CDK7: variants seen among roughly 807,000 people sequenced by gnomAD.
CDK7 encodes cyclin-dependent kinase 7.
A neutral mutation model predicts 49.1 loss-of-function variants in CDK7; 25 were observed. The observed-to-expected ratio is 0.51, with a 90% CI of 0.37 to 0.71. The LOEUF (loss-of-function observed/expected upper bound fraction) is 0.71. Among genes scored for constraint, CDK7 ranks in the 30% least tolerant of loss-of-function variants. The probability of loss-of-function intolerance (pLI) is 0.00; values close to 1 mark genes in which losing one functional copy is unlikely to be tolerated. For missense variants in CDK7, 316 were observed against 411.7 expected, an observed-to-expected ratio of 0.77 and a Z score of 2.01; for synonymous variants, 107 against 140.0, an observed-to-expected ratio of 0.76 and a Z score of 1.67.
At chr5:69,276,786 C>T (rs1447551292) in intron 11 of CDK7, 96 bp downstream of exon 11, 1 of 1,016,622 alleles carries the variant, frequency 9.8e-7, no homozygotes, top group East Asian at 2.5e-5. Flanking sequence ...AGAAATGTAG[C>T]TTGCTAGCTA....
chr5:69,276,887 G>A (rs541464926), intron 11 of CDK7, among the ~76,000 whole-genome samples, 197 bp downstream of exon 11: 26 of 152,184 alleles, frequency 1.7e-4, no homozygotes, highest in Non-Finnish European at 3.5e-4. Flanking sequence ...GGCAGCTTTT[G>A]TGTATACCTC....
Position 69,234,932 on chromosome 5 carries a change from G to T in CDK7, c.-44G>T, listed in dbSNP as rs374983298. The T allele has an allele frequency of 1.9e-6, 3 of 1,555,970 alleles. No individual in the cohort carries two copies. In the African/African-American group the frequency reaches 4.1e-5, roughly 21 times the overall value. On this transcript the variant is annotated 5_prime_UTR_variant, in exon 1 of 12. Coordinates refer to ENST00000256443, the MANE Select transcript of CDK7 (RefSeq NM_001799.4). ...GGTAGCTTTAAATTCGTGTTGTCCT[G>T]GGAGCTCGCCCTTTTCGGCTGGAGT...
At chr5:69,260,716 AC>A (rs2150213901) in intron 7 of CDK7, among the ~76,000 whole-genome samples, 1 of 152,364 alleles carries the variant, frequency 6.6e-6, no homozygotes, top group Non-Finnish European at 1.5e-5. Context: ...ACAGAAAATC[AC>A]ATTAAATAGG....
intron 8 of CDK7, among the ~76,000 whole-genome samples, chr5:69,267,933 T>C (rs1475493743): frequency 1.3e-5 from 2 of 152,198 alleles, no homozygotes; most frequent in African/African-American, 4.8e-5. Context: ...CTAAAAATAG[T>C]TGTAATATTA....
chr5:69,268,372 T>C (rs1051005005), intron 8 of CDK7, among the ~76,000 whole-genome samples: 1 of 152,204 alleles, frequency 6.6e-6, no homozygotes, highest in African/African-American at 2.4e-5. Context: ...ACAAGGCCTG[T>C]TATATGGGAA....
intron 8 of CDK7, among the ~76,000 whole-genome samples, chr5:69,264,093 T>A (rs1482088947): frequency 6.6e-6 from 1 of 152,126 alleles, no homozygotes; most frequent in Admixed American, 6.6e-5. Context: ...CAGATAGTAA[T>A]GAATACTTCC....
intron 4 of CDK7, 39 bp downstream of exon 4, chr5:69,254,708 T>A: frequency 9.4e-7 from 1 of 1,066,806 alleles, no homozygotes; most frequent in Non-Finnish European, 1.5e-6. Context: ...TTTGGGACTC[T>A]GCCTTTTCTT....
intron 2 of CDK7, among the ~76,000 whole-genome samples, chr5:69,240,132 G>A (rs1352914572): frequency 6.6e-6 from 1 of 151,946 alleles, no homozygotes; most frequent in African/African-American, 2.4e-5. Context: ...TTGGAACTTG[G>A]GTCCAATTTC....
At chr5:69,245,880 G>C (rs905893837) in intron 2 of CDK7, among the ~76,000 whole-genome samples, 3 of 152,158 alleles carry the variant, frequency 2.0e-5, no homozygotes, top group Non-Finnish European at 2.9e-5. Flanking sequence ...GGATTTCTGC[G>C]GTATTGGTTG....
At position 69,254,445 on chromosome 5, in the gene CDK7, C is replaced by T. The variant is rs1318317692; in HGVS notation, c.161-157C>T. On this transcript the variant is annotated intron_variant, in intron 3 of 11. Transcript: ENST00000256443. The stretch of plus-strand genomic sequence containing the variant: ...GCTGAGGCAGGAGAATTGCTTGAAC[C>T]CGGGAAGCAGAGGTTGCAGTGAGCC... Among the ~76,000 whole-genome samples the T allele has an allele frequency of 2.6e-5, 4 of 150,996 alleles. No homozygotes were observed. In the Admixed American group the frequency reaches 2.7e-4, roughly 10 times the overall value.
At chr5:69,252,519 TTTTTTA>T in intron 3 of CDK7, 68 bp downstream of exon 3, 2 of 822,140 alleles carry the variant, frequency 2.4e-6, no homozygotes, top group Non-Finnish European at 3.7e-6. Context: ...TTTTTTTTTT[TTTTTTA>T]AAAAGACAGG....
chr5:69,258,442 C>T (rs144247668), intron 6 of CDK7, among the ~76,000 whole-genome samples: 4,620 of 146,342 alleles, frequency 0.032, 255 homozygotes, highest in African/African-American at 0.11. Context: ...TGCAGTGGCG[C>T]GATCTCTTGC....
chr5:69,249,139 G>A (rs1451754941), intron 2 of CDK7, among the ~76,000 whole-genome samples: 3 of 151,844 alleles, frequency 2.0e-5, no homozygotes, highest in Admixed American at 1.3e-4. Context: ...TCTAGATCTT[G>A]TAGGCACGTC....
At position 69,262,191 on chromosome 5, in the gene CDK7, T is replaced by G. The variant is rs1361846812; in HGVS notation, c.528-14T>G. Reference sequence around the variant, plus strand: ...TTTCATGCTAAAATGATACTAATTCTTTTTGTTCTTTAGGTGGTATCGGGC... The same window carrying G: ...TTTCATGCTAAAATGATACTAATTCGTTTTGTTCTTTAGGTGGTATCGGGC... On this transcript the variant is annotated splice_polypyrimidine_tract_variant and intron_variant, in intron 7 of 11. Transcript: ENST00000256443. 6.2e-7 allele frequency: 1 copy of G among 1,612,936 alleles called. No homozygotes were observed. Among genetic ancestry groups the G allele is most frequent in the East Asian group, 2.2e-5 (1 of 44,894 alleles).
At chr5:69,262,357 C>T (rs1750883562) in intron 8 of CDK7, 53 bp downstream of exon 8, 4 of 1,611,840 alleles carry the variant, frequency 2.5e-6, no homozygotes, top group Non-Finnish European at 3.4e-6. Context: ...GTTATTTGTT[C>T]TGACAGTTTG....
intron 2 of CDK7, among the ~76,000 whole-genome samples, chr5:69,252,122 G>A (rs965135853): frequency 1.3e-5 from 2 of 152,142 alleles, no homozygotes; most frequent in African/African-American, 4.8e-5. Flanking sequence ...GGTACCCTTA[G>A]TTATTTGGTC....
At chr5:69,263,466 G>A (rs1374033122) in intron 8 of CDK7, among the ~76,000 whole-genome samples, 1 of 152,172 alleles carries the variant, frequency 6.6e-6, no homozygotes, top group African/African-American at 2.4e-5. Flanking sequence ...GGAAGCTGAG[G>A]TGGGAGGATC....
Position 69,269,304 on chromosome 5 carries a change from AT to A in CDK7, c.714+12del. On this transcript the variant is annotated intron_variant, in intron 9 of 11. Transcript: ENST00000256443. ...GAGGAACAGTGGCCGGTAAGCCTTT[AT>A]GCATTTTCTTTGAAATGTAATTAGG... 6.3e-7 allele frequency: 1 copy of A among 1,586,492 alleles called. No homozygotes were observed. Among genetic ancestry groups the A allele is most frequent in the Non-Finnish European group, 8.6e-7 (1 of 1,163,226 alleles).
chr5:69,234,805 C>A (rs1748826717), upstream of CDK7: 7 of 652,060 alleles, frequency 1.1e-5, no homozygotes. Context: ...GGAACGCCAA[C>A]CGCCTGGGCC....
Sources: gnomAD v4.1 joint callset for allele counts (sites outside exome capture counted in the v4.1 genomes callset) on GRCh38, gnomAD v4.1.1 for gene constraint, MANE v1.5 for transcripts, NCBI Gene and HGNC (gene_info 2026-07-23, HGNC 2026-07-21) for gene names.